MED25: variants seen among roughly 807,000 people sequenced by gnomAD.
MED25 encodes the protein mediator complex subunit 25, also known as mediator of RNA polymerase II transcription subunit 25.
A neutral mutation model predicts 89.4 loss-of-function variants in MED25; 62 were observed. The ratio of observed to expected loss-of-function variants is 0.69; its 90% CI spans 0.57 to 0.86. The LOEUF (loss-of-function observed/expected upper bound fraction) is 0.86. MED25 is among the 40% of genes least tolerant of loss of function. The probability of loss-of-function intolerance (pLI) is 0.00; values close to 1 mark genes in which losing one functional copy is unlikely to be tolerated. For synonymous variants in MED25, 449 were observed against 427.9 expected (o/e 1.05, Z -0.61); for missense variants, 905 against 1,005.2 (o/e 0.90, Z 1.35).
chr19:49,823,162 C>G (rs780976821), intron 3 of MED25, among the ~76,000 whole-genome samples: 1 of 152,136 alleles, frequency 6.6e-6, no homozygotes, highest in Non-Finnish European at 1.5e-5. Flanking sequence ...CTGTGTTGCT[C>G]AGACTGGTCT....
chr19:49,818,590 C>T lies in MED25; in HGVS notation c.154C>T (p.Pro52Ser). The T allele has an allele frequency of 6.2e-7, 1 of 1,614,142 alleles. No individual in the cohort carries two copies. Among genetic ancestry groups the T allele is most frequent in the Non-Finnish European group, 8.5e-7 (1 of 1,180,020 alleles). The change falls in exon 2 of 18, where the codon CCT becomes TCT. Residue 52 changes from proline to serine, a missense_variant. This residue lies in a region of MED25 where 501 missense variants were observed against 526.9 expected (regional missense o/e 0.95). Transcript: ENST00000312865. The part of the protein sequence containing the change: ...PAIEYFNGGP[P>S]AETDFGGDYG... ...TCACAGGTATTTTAATGGTGGTCCT[C>T]CTGCTGAGACGGACTTCGGGGGAGA...
Position 49,835,210 on chromosome 19 carries a change from G to C in MED25, c.1674+33G>C, listed in dbSNP as rs762620231. On this transcript the variant is annotated intron_variant, in intron 14 of 17. Coordinates refer to ENST00000312865, the MANE Select transcript of MED25 (RefSeq NM_030973.4). The surrounding 1 kb of genome is among the most constrained non-coding windows in gnomAD (Gnocchi z 6.2). ...TTGACAGTCCCCAAACCAGCACTCC[G>C]ACCCCCTCCTGCCCGGGCCCCACAT... is the stretch of plus-strand genomic sequence containing the variant. The C allele has an allele frequency of 2.5e-6, 4 of 1,611,636 alleles. No homozygotes were observed. Among genetic ancestry groups the C allele is most frequent in the Non-Finnish European group, 3.4e-6 (4 of 1,178,170 alleles).
Position 49,818,822 on chromosome 19 carries a change from G to C in MED25, c.180+206G>C, listed in dbSNP as rs1275880992. The C allele has an allele frequency of 6.4e-6, 4 of 627,342 alleles. No individual in the cohort carries two copies. In the East Asian group the frequency reaches 1.1e-4, roughly 17 times the overall value. The allele number at this position is 627,342 out of a possible 1,614,324, so 38.9% of individuals were successfully genotyped here. ...GGAGGCGCTGGGGCCCGGATTCCTG[G>C]GTCCGAGGGAGGAGGGAGCTAGGGG... On this transcript the variant is annotated intron_variant, in intron 2 of 17. Coordinates refer to ENST00000312865, the MANE Select transcript of MED25 (RefSeq NM_030973.4).
At chr19:49,828,841 T>A in intron 4 of MED25, 129 bp from the exon 5 acceptor site, 1 of 1,522,700 alleles carries the variant, frequency 6.6e-7, no homozygotes, top group Admixed American at 2.0e-5. Flanking sequence ...TGTTCTCAGC[T>A]GTAAAGTAGG....
chr19:49,819,406 C>T, intron 3 of MED25, 110 bp downstream of exon 3: 2 of 1,254,922 alleles, frequency 1.6e-6, no homozygotes, highest in Non-Finnish European at 2.2e-6. Flanking sequence ...TAAGTGATGG[C>T]TTGGGGTGGT....
chr19:49,831,005 T>C lies in MED25; in HGVS notation c.1101+118T>C, dbSNP rs764297586. 2.6e-6 allele frequency: 3 copies of C among 1,138,588 alleles called. No individual in the cohort carries two copies. The highest frequency in any genetic ancestry group is 2.6e-6 in the Non-Finnish European group (2 of 765,196). 70.5% of individuals were successfully genotyped at this position (1,138,588 alleles called of 1,614,324 possible). On this transcript the variant is annotated intron_variant, in intron 9 of 17. Coordinates refer to ENST00000312865, the MANE Select transcript of MED25 (RefSeq NM_030973.4). The surrounding 1 kb of genome is among the most constrained non-coding windows in gnomAD (Gnocchi z 5.0). ...TGTGGCTCTCGTGGTTCTGGGGCTT[T>C]GGGGGCTCGTGGTGTGTGTGCTGCA...
chr19:49,836,546 T>C lies in MED25; in HGVS notation c.2146+140T>C. ...GGTTCCCCCATGGCCTTTGCGGAGC[T>C]CTGAGGGCTCCGGGAAAGTACAGCC... is the stretch of plus-strand genomic sequence containing the variant. On this transcript the variant is annotated intron_variant, in intron 17 of 17. Transcript: ENST00000312865. The surrounding 1 kb of genome is among the most constrained non-coding windows in gnomAD (Gnocchi z 5.1). 5 of 1,084,676 alleles carry C rather than the reference T, an allele frequency of 4.6e-6. No individual in the cohort carries two copies. The highest frequency in any genetic ancestry group is 4.2e-6 in the Non-Finnish European group (3 of 722,724). 67.2% of individuals were successfully genotyped at this position (1,084,676 alleles called of 1,614,324 possible).
In MED25 at chr19:49,830,687, C is replaced by T; in HGVS notation, c.908-7C>T. The T allele has an allele frequency of 6.2e-7, 1 of 1,614,010 alleles. No homozygotes were observed. The highest frequency in any genetic ancestry group is 8.5e-7 in the Non-Finnish European group (1 of 1,179,888). Reference sequence around the variant, plus strand: ...TTCCCCACTTCTTCCCTTGGTCTCTCCCACAGTCTCGCCCATCACCCCTCT... The same window carrying T: ...TTCCCCACTTCTTCCCTTGGTCTCTTCCACAGTCTCGCCCATCACCCCTCT... On this transcript the variant is annotated splice_polypyrimidine_tract_variant and splice_region_variant and intron_variant, in intron 8 of 17. Coordinates refer to ENST00000312865, the MANE Select transcript of MED25 (RefSeq NM_030973.4). This position sits in a 1 kb window ranked among gnomAD's most constrained non-coding sequence, Gnocchi z 4.6.
In MED25 at chr19:49,835,615, G is replaced by A. The variant is rs777447509; in HGVS notation, c.1746+10G>A. On this transcript the variant is annotated intron_variant, in intron 15 of 17. Transcript: ENST00000312865. The surrounding 1 kb of genome is among the most constrained non-coding windows in gnomAD (Gnocchi z 6.2). The stretch of plus-strand genomic sequence containing the variant: ...GCCCTCACAGAATCTGGTGAGGACA[G>A]GGCTGGCGGGGTCGGGGCTGGGTTG... 15 of 1,557,416 alleles carry A rather than the reference G, an allele frequency of 9.6e-6. No individual in the cohort carries two copies. The highest frequency in any genetic ancestry group is 1.3e-5 in the Non-Finnish European group (15 of 1,151,044).
In MED25 at chr19:49,836,369, C is replaced by G; in HGVS notation, c.2109C>G (p.Ser703=). The G allele has an allele frequency of 3.7e-6, 6 of 1,606,734 alleles. No homozygotes were observed. Among genetic ancestry groups the G allele is most frequent in the Non-Finnish European group, 5.1e-6 (6 of 1,177,002 alleles). ...TCCTGCATCCACCACCTGCCCAGTC[C>G]TGGCCCGCACAACTTCCCCCTCGGG... The part of the protein sequence containing the change: ...PPLLHPPPAQ[S]WPAQLPPRAP... Residue 703 remains serine, a synonymous_variant, in exon 17 of 18, where the codon TCC becomes TCG. Coordinates refer to ENST00000312865, the MANE Select transcript of MED25 (RefSeq NM_030973.4). The surrounding 1 kb of genome is among the most constrained non-coding windows in gnomAD (Gnocchi z 5.1).
rs752695799 is a variant in MED25, at chr19:49,835,707, CCT to C, written c.1747-19_1747-18del. The stretch of plus-strand genomic sequence containing the variant: ...TGAGGCCCTGCCCATCTCCCTCACC[CCT>C]GTGTCTCTTCCCACCAGCTCCAGCT... On this transcript the variant is annotated intron_variant, in intron 15 of 17. Coordinates refer to ENST00000312865, the MANE Select transcript of MED25 (RefSeq NM_030973.4). This position sits in a 1 kb window ranked among gnomAD's most constrained non-coding sequence, Gnocchi z 6.2. 1.3e-4 allele frequency: 214 copies of C among 1,605,420 alleles called. No individual in the cohort carries two copies. The highest frequency in any genetic ancestry group is 7.7e-4 in the Admixed American group (46 of 59,486).
At chr19:49,819,051 A>G (rs944638612) in intron 2 of MED25, 121 bp from the exon 3 acceptor site, 1 of 1,244,010 alleles carries the variant, frequency 8.0e-7, no homozygotes, top group Non-Finnish European at 1.1e-6. Context: ...GGGTCTGAGG[A>G]AGGAGGAAGC....
intron 3 of MED25, chr19:49,820,021 AG>A (rs1349518114): frequency 2.0e-5 from 3 of 149,782 alleles, no homozygotes; most frequent in African/African-American, 7.5e-5. Context: ...TATTTTTAGT[AG>A]AGACAGTTTC....
chr19:49,826,985 C>T (rs1294745638), intron 3 of MED25, among the ~76,000 whole-genome samples: 1 of 152,140 alleles, frequency 6.6e-6, no homozygotes, highest in African/African-American at 2.4e-5. Context: ...GACGTTCATT[C>T]ACTTAGCCTA....
At chr19:49,832,206 GCTGT>G (rs748170031) in intron 12 of MED25, 49 bp downstream of exon 12, 1 of 1,598,680 alleles carries the variant, frequency 6.3e-7, no homozygotes, top group Non-Finnish European at 8.5e-7. Context: ...TCCTCACCCT[GCTGT>G]CTCTTTCCTG....
At chr19:49,840,230 A>T (rs369999968), downstream of MED25, 2 of 152,264 alleles carry the variant, frequency 1.3e-5, no homozygotes, top group East Asian at 3.8e-4. Context: ...CGCAAAAAGA[A>T]TTATGAAAGA....
At chr19:49,832,759 C>T (rs2074067961) in intron 13 of MED25, 1 of 374,400 alleles carries the variant, frequency 2.7e-6, no homozygotes. Flanking sequence ...ACAACAGAAA[C>T]GTGTTCTATC....
intron 3 of MED25, among the ~76,000 whole-genome samples, chr19:49,825,371 C>A (rs2074009154): frequency 6.6e-6 from 1 of 152,032 alleles, no homozygotes. Context: ...GCCTCAGCCT[C>A]CCGAGTAGCT....
Position 49,832,529 on chromosome 19 carries a change from G to A in MED25, c.1482+114G>A, listed in dbSNP as rs1600328062. Reference sequence around the variant, plus strand: ...CACGGAAGCCGTTTTTGATGGTTGGGTGCACTTCATGCCCTTAGGTTCCTC... The same window carrying A: ...CACGGAAGCCGTTTTTGATGGTTGGATGCACTTCATGCCCTTAGGTTCCTC... On this transcript the variant is annotated intron_variant, in intron 13 of 17. Transcript: ENST00000312865. The A allele has an allele frequency of 7.0e-6, 5 of 717,970 alleles. No individual in the cohort carries two copies. In the East Asian group the frequency reaches 1.3e-4, roughly 19 times the overall value. The allele number at this position is 717,970 out of a possible 1,614,324, so 44.5% of individuals were successfully genotyped here.
Sources: allele counts gnomAD v4.1 joint callset (sites outside exome capture counted in the v4.1 genomes callset), GRCh38; gene constraint gnomAD v4.1.1; regional missense constraint gnomAD v4.1.1; non-coding constraint Gnocchi (gnomAD v3.1); transcripts MANE v1.5; gene names NCBI Gene and HGNC (gene_info 2026-07-23, HGNC 2026-07-21).